Variants in ZBTB7C observed in about 807,000 individuals in gnomAD.
The protein encoded by ZBTB7C is zinc finger and BTB domain containing 7C.
Under a neutral mutation model 25.7 loss-of-function variants are expected in ZBTB7C, and 8 were observed. That is an observed-to-expected ratio of 0.31 (90% CI 0.18 to 0.56). The LOEUF is 0.56. Ranked by LOEUF, ZBTB7C falls within the 20% of genes least tolerant of loss-of-function variation. The probability of loss-of-function intolerance (pLI) is 0.91; values close to 1 mark genes in which losing one functional copy is unlikely to be tolerated. For missense variants in ZBTB7C, 824 were observed against 855.2 expected, an observed-to-expected ratio of 0.96 and a Z score of 0.46; for synonymous variants, 394 against 369.0, an observed-to-expected ratio of 1.07 and a Z score of -0.78.
chr18:48,105,212 C>T (rs961329825), intron 3 of ZBTB7C, among the ~76,000 whole-genome samples: 8 of 152,232 alleles, frequency 5.3e-5, no homozygotes, highest in Admixed American at 6.5e-5. Context: ...AGAATATGGG[C>T]AACCTTGGTT....
At chr18:48,122,048 G>A (rs982335541) in intron 3 of ZBTB7C, among the ~76,000 whole-genome samples, 2 of 152,224 alleles carry the variant, frequency 1.3e-5, no homozygotes, top group African/African-American at 4.8e-5. Context: ...CTGGGGAGGA[G>A]GTGCCAGGCT....
chr18:48,276,276 T>C (rs895517702), intron 2 of ZBTB7C, among the ~76,000 whole-genome samples: 6 of 133,678 alleles, frequency 4.5e-5, no homozygotes, highest in Non-Finnish European at 7.9e-5. Context: ...CTTTCTCTCT[T>C]TTTTTTTTTT....
chr18:48,363,842 C>T (rs762403377), intron 1 of ZBTB7C, among the ~76,000 whole-genome samples: 26 of 152,024 alleles, frequency 1.7e-4, no homozygotes, highest in Non-Finnish European at 3.1e-4. Flanking sequence ...ACATCCCACC[C>T]CTCAATCTTA....
chr18:48,177,871 G>A (rs1183334525), intron 3 of ZBTB7C, among the ~76,000 whole-genome samples: 1 of 152,154 alleles, frequency 6.6e-6, no homozygotes, highest in East Asian at 1.9e-4. Context: ...AGGGAGTTTG[G>A]GGTTTAGAGT....
At position 48,180,163 on chromosome 18, in the gene ZBTB7C, C is replaced by CCCTT. The variant is rs878925566; in HGVS notation, c.-17+5767_-17+5770dup. 2.5e-5 allele frequency among the ~76,000 whole-genome samples: 3 copies of CCCTT among 118,442 alleles called. No individual in the cohort carries two copies. In the East Asian group the frequency reaches 8.7e-4, roughly 34 times the overall value. 77.7% of individuals were successfully genotyped at this position (118,442 alleles called of 152,430 possible). ...TCCTTCCTTCTTTCCCTCCCTCCCTCCCTTCCTTCCTTCCTCCCTTCCCTG... is the reference window on the plus strand; with the variant it reads ...TCCTTCCTTCTTTCCCTCCCTCCCTCCCTTCCTTCCTTCCTTCCTCCCTTCCCTG... On this transcript the variant is annotated intron_variant, in intron 3 of 4. Transcript: ENST00000590800.
chr18:48,230,151 T>G (rs949499304), intron 2 of ZBTB7C, among the ~76,000 whole-genome samples: 2 of 152,228 alleles, frequency 1.3e-5, no homozygotes, highest in Non-Finnish European at 2.9e-5. Flanking sequence ...AGAAACTAAG[T>G]GCAGGAATCA....
intron 2 of ZBTB7C, among the ~76,000 whole-genome samples, chr18:48,188,064 ACT>A (rs2042106134): frequency 6.6e-6 from 1 of 152,180 alleles, no homozygotes; most frequent in African/African-American, 2.4e-5. Context: ...ACACCTCCAC[ACT>A]GTTTCTCTGC....
chr18:48,098,178 C>A (rs950560648), intron 3 of ZBTB7C, among the ~76,000 whole-genome samples: 4 of 152,132 alleles, frequency 2.6e-5, no homozygotes, highest in African/African-American at 9.7e-5. Context: ...TCTGACGGGG[C>A]CTTTTGAACA....
chr18:48,216,767 C>T (rs1350935380), intron 2 of ZBTB7C, among the ~76,000 whole-genome samples: 1 of 152,156 alleles, frequency 6.6e-6, no homozygotes, highest in Non-Finnish European at 1.5e-5. Context: ...TCCTCTCCAT[C>T]CTATGGCCCC....
chr18:48,330,679 G>C (rs2046324013), intron 2 of ZBTB7C, among the ~76,000 whole-genome samples: 1 of 151,882 alleles, frequency 6.6e-6, no homozygotes, highest in South Asian at 2.1e-4. Flanking sequence ...TGAAAAGAGA[G>C]GGCAGGACTG....
intron 3 of ZBTB7C, among the ~76,000 whole-genome samples, chr18:48,174,483 A>G (rs2041603687): frequency 6.6e-6 from 1 of 152,282 alleles, no homozygotes; most frequent in South Asian, 2.1e-4. Flanking sequence ...TGCAACTGAC[A>G]CAACCCCATG....
intron 1 of ZBTB7C, among the ~76,000 whole-genome samples, chr18:48,351,334 T>C (rs1255421732): frequency 6.6e-6 from 1 of 150,706 alleles, no homozygotes; most frequent in Non-Finnish European, 1.5e-5. Context: ...GGGGCAGGAG[T>C]GGAGAGGAGG....
chr18:48,070,764 T>C (rs903069175), intron 3 of ZBTB7C, among the ~76,000 whole-genome samples: 1 of 151,806 alleles, frequency 6.6e-6, no homozygotes, highest in South Asian at 2.1e-4. Context: ...GCAAGAAGAG[T>C]CTATAGATCC....
At chr18:48,375,907 C>T (rs73435287) in intron 1 of ZBTB7C, among the ~76,000 whole-genome samples, 1,637 of 152,330 alleles carry the variant, frequency 0.011, 38 homozygotes, top group African/African-American at 0.037. Flanking sequence ...CAACTACTAG[C>T]TTGGAGACCT....
At chr18:48,144,375 A>C (rs1037732952) in intron 3 of ZBTB7C, among the ~76,000 whole-genome samples, 2 of 151,984 alleles carry the variant, frequency 1.3e-5, no homozygotes, top group Non-Finnish European at 2.9e-5. Flanking sequence ...ACAGGGTCTC[A>C]CTTTGTCACC....
At chr18:48,348,386 A>T (rs2046788297) in intron 1 of ZBTB7C, among the ~76,000 whole-genome samples, 1 of 152,234 alleles carries the variant, frequency 6.6e-6, no homozygotes, top group Non-Finnish European at 1.5e-5. Context: ...GCCTGGATAC[A>T]AATCCTCACC....
At chr18:48,242,330 T>C (rs2043552286) in intron 2 of ZBTB7C, among the ~76,000 whole-genome samples, 1 of 152,154 alleles carries the variant, frequency 6.6e-6, no homozygotes, top group Non-Finnish European at 1.5e-5. Flanking sequence ...AAGGGAATCC[T>C]CCCTAAATCA....
chr18:48,313,824 T>C (rs1459963071), intron 2 of ZBTB7C, among the ~76,000 whole-genome samples: 5 of 152,256 alleles, frequency 3.3e-5, no homozygotes, highest in Admixed American at 2.0e-4. Context: ...GAAATGTGAT[T>C]CCCAATGTTG....
At chr18:48,094,458 C>A (rs1298448503) in intron 3 of ZBTB7C, among the ~76,000 whole-genome samples, 1 of 152,148 alleles carries the variant, frequency 6.6e-6, no homozygotes, top group African/African-American at 2.4e-5. Flanking sequence ...ACGAGAGAGT[C>A]AAACAGACAT....
Sources: allele counts gnomAD v4.1 joint callset (sites outside exome capture counted in the v4.1 genomes callset), GRCh38; gene constraint gnomAD v4.1.1; transcripts MANE v1.5; gene names NCBI Gene and HGNC (gene_info 2026-07-23, HGNC 2026-07-21).